The following POLK variants were observed in gnomAD, a reference collection of about 807,000 sequenced individuals.
POLK encodes DNA polymerase kappa, also known as polymerase (DNA directed) kappa.
POLK carries 76 observed loss-of-function variants against 94.0 expected under a neutral mutation model. That is an observed-to-expected ratio of 0.81 (90% CI 0.67 to 0.98). The LOEUF (loss-of-function observed/expected upper bound fraction) is 0.98. Ranked by LOEUF, POLK falls within the 50% of genes least tolerant of loss-of-function variation. The pLI, the probability that POLK is intolerant of heterozygous loss-of-function variation, is 0.00. For synonymous variants in POLK, 349 were observed against 325.4 expected (o/e 1.07, Z -0.78); for missense variants, 954 against 1,010.1 (o/e 0.94, Z 0.75).
chr5:75,596,768 T>C (rs1305314597), exon 13 of POLK: 1 of 1,612,402 alleles, frequency 6.2e-7, no homozygotes, highest in Non-Finnish European at 8.5e-7. Context: ...CATCCAAAAA[T>C]TAAAGAAATA....
exon 12 of POLK, chr5:75,594,043 C>A: frequency 6.3e-7 from 1 of 1,587,000 alleles, no homozygotes; most frequent in South Asian, 1.2e-5. Flanking sequence ...GAGATTAAGG[C>A]TTATGGGTAT....
intron 1 of POLK, among the ~76,000 whole-genome samples, chr5:75,544,501 G>T (rs915536118): frequency 6.6e-5 from 10 of 152,122 alleles, no homozygotes; most frequent in African/African-American, 2.4e-4. Flanking sequence ...AATTAACCAG[G>T]CATGGTGGTG....
intron 5 of POLK, among the ~76,000 whole-genome samples, chr5:75,574,222 G>T (rs1771746955): frequency 6.6e-6 from 1 of 151,956 alleles, no homozygotes; most frequent in African/African-American, 2.4e-5. Flanking sequence ...ATAACTTACA[G>T]AATCTACTCA....
intron 1 of POLK, among the ~76,000 whole-genome samples, chr5:75,538,328 T>C (rs1343684436): frequency 6.6e-6 from 1 of 152,206 alleles, no homozygotes; most frequent in East Asian, 1.9e-4. Flanking sequence ...AAGTTACCAG[T>C]AAGTCTGGAC....
At chr5:75,581,088 C>T in intron 6 of POLK, 121 bp from the exon 7 acceptor site, 3 of 631,716 alleles carry the variant, frequency 4.7e-6, no homozygotes, top group Non-Finnish European at 5.4e-6. Flanking sequence ...GATCTTGGAT[C>T]CTAGAAACTA....
chr5:75,549,869 A>T (rs1227505453), intron 2 of POLK, among the ~76,000 whole-genome samples: 1 of 152,148 alleles, frequency 6.6e-6, no homozygotes, highest in Admixed American at 6.5e-5. Context: ...GGAGTATTTT[A>T]AAACAAATTC....
At chr5:75,551,947 C>CA (rs1770357472) in intron 2 of POLK, among the ~76,000 whole-genome samples, 1 of 151,912 alleles carries the variant, frequency 6.6e-6, no homozygotes, top group African/African-American at 2.4e-5. Context: ...TCACTGTAGC[C>CA]AAAAAGTGAA....
At chr5:75,511,533 A>G, upstream of POLK, 1 of 1,463,406 alleles carries the variant, frequency 6.8e-7, no homozygotes, top group Non-Finnish European at 9.0e-7. Flanking sequence ...ATAGGGAAGG[A>G]AAAGGGAAAA....
intron 1 of POLK, among the ~76,000 whole-genome samples, chr5:75,519,507 C>A (rs1768471282): frequency 6.6e-6 from 1 of 152,154 alleles, no homozygotes; most frequent in Non-Finnish European, 1.5e-5. Flanking sequence ...TTATATTGCA[C>A]TCTATCTCTC....
At chr5:75,532,431 A>G (rs955871720) in intron 1 of POLK, among the ~76,000 whole-genome samples, 1 of 150,574 alleles carries the variant, frequency 6.6e-6, no homozygotes, top group Non-Finnish European at 1.5e-5. Flanking sequence ...TTATGGCTAT[A>G]TAGTATTCCT....
chr5:75,559,670 G>T (rs1168561586), intron 3 of POLK, among the ~76,000 whole-genome samples: 1 of 151,322 alleles, frequency 6.6e-6, no homozygotes, highest in Non-Finnish European at 1.5e-5. Flanking sequence ...CCAAGTAGTG[G>T]GGGGACTATA....
At chr5:75,586,074 CA>C (rs1455853421) in intron 9 of POLK, among the ~76,000 whole-genome samples, 1 of 151,970 alleles carries the variant, frequency 6.6e-6, no homozygotes, top group Non-Finnish European at 1.5e-5. Flanking sequence ...ATTTTTAATC[CA>C]AAAATTTTTT....
chr5:75,534,039 A>T (rs1357809890), intron 1 of POLK, among the ~76,000 whole-genome samples: 2 of 152,052 alleles, frequency 1.3e-5, no homozygotes, highest in Admixed American at 6.6e-5. Context: ...GCCAAGGCAG[A>T]TGGATCACTT....
chr5:75,607,861 G>A, the POLK span, among the ~76,000 whole-genome samples: 2 of 152,254 alleles, frequency 1.3e-5, no homozygotes, highest in East Asian at 3.9e-4. Flanking sequence ...GCCACCCCAG[G>A]GACAGTTTCT....
chr5:75,565,561 G>A (rs1426897419), intron 3 of POLK, among the ~76,000 whole-genome samples: 1 of 152,084 alleles, frequency 6.6e-6, no homozygotes, highest in Non-Finnish European at 1.5e-5. Context: ...TTTGAATGGC[G>A]TTTTTGCGTG....
chr5:75,571,116 T>C (rs548334863), intron 4 of POLK, among the ~76,000 whole-genome samples: 1 of 152,272 alleles, frequency 6.6e-6, no homozygotes, highest in African/African-American at 2.4e-5. Flanking sequence ...TCCTACAATT[T>C]CTGTCCTCCT....
rs181129897 is a variant in POLK at position 75,541,810 on chromosome 5, C to T, written c.-13-5200C>T. Among the ~76,000 whole-genome samples, 3 of 152,192 alleles carry T rather than the reference C, an allele frequency of 2.0e-5. No individual in the cohort carries two copies. The East Asian group carries it at 5.8e-4, about 29-fold the overall frequency. On this transcript the variant is annotated intron_variant, in intron 1 of 14. Coordinates refer to ENST00000241436, the Ensembl canonical transcript of POLK. The stretch of plus-strand genomic sequence containing the variant: ...CACCTATACTTTCATTTTTGTCATA[C>T]AAAAATTGTGGCCATATGGTTTCAG...
At chr5:75,605,181 A>G (rs1163996247), downstream of POLK, among the ~76,000 whole-genome samples, 1 of 151,146 alleles carries the variant, frequency 6.6e-6, no homozygotes, top group East Asian at 1.9e-4. Context: ...CCACATACCT[A>G]TCATTGAGTT....
intron 11 of POLK, among the ~76,000 whole-genome samples, chr5:75,591,888 T>C (rs901801120): frequency 3.9e-5 from 6 of 152,212 alleles, no homozygotes; most frequent in Admixed American, 3.3e-4. Context: ...CATCCTATCA[T>C]GGGGTGTATA....
Sources: allele counts gnomAD v4.1 joint callset (sites outside exome capture counted in the v4.1 genomes callset), GRCh38; gene constraint gnomAD v4.1.1; transcripts MANE v1.5; gene names NCBI Gene and HGNC (gene_info 2026-07-23, HGNC 2026-07-21).